Variants in PKIA observed in about 807,000 individuals in gnomAD.
The protein encoded by PKIA is PKI-alpha.
Under a neutral mutation model 7.6 loss-of-function variants are expected in PKIA, and 4 were observed. The observed-to-expected ratio is 0.52, with a 90% CI of 0.26 to 1.20. The LOEUF is 1.20. Ranked by LOEUF, PKIA falls within the 50% of genes most tolerant of loss-of-function variation. The pLI is 0.13. For synonymous variants in PKIA, 21 were observed against 30.7 expected, an observed-to-expected ratio of 0.68 and a Z score of 1.04; for missense variants, 73 against 86.2, an observed-to-expected ratio of 0.85 and a Z score of 0.61.
rs1309303758 is a variant in PKIA, at chr8:78,603,448, T to C, written c.*1627T>C. 1 of 151,958 alleles carries C rather than the reference T, an allele frequency of 6.6e-6. No homozygotes were observed. Among genetic ancestry groups the C allele is most frequent in the African/African-American group, 2.4e-5 (1 of 41,402 alleles). 9.4% of individuals were successfully genotyped at this position (151,958 alleles called of 1,614,324 possible). Reference sequence around the variant, plus strand: ...TTCTCCTTCTACAGGGCATTTCAACTGACTGGAATAAGGGCATGGTTGCAT... The same window carrying C: ...TTCTCCTTCTACAGGGCATTTCAACCGACTGGAATAAGGGCATGGTTGCAT... On this transcript the variant is annotated 3_prime_UTR_variant, in exon 4 of 4. Transcript: ENST00000396418.
intron 1 of PKIA, among the ~76,000 whole-genome samples, chr8:78,557,474 T>G (rs1227943166): frequency 1.3e-5 from 2 of 152,194 alleles, no homozygotes; most frequent in Non-Finnish European, 2.9e-5. Flanking sequence ...CTAGAAGTTG[T>G]ATGAGATTAT....
chr8:78,528,138 C>A (rs1331798760), intron 1 of PKIA, among the ~76,000 whole-genome samples: 1 of 152,012 alleles, frequency 6.6e-6, no homozygotes, highest in Non-Finnish European at 1.5e-5. Context: ...AGTTAAATAG[C>A]CCCAAGGTAG....
intron 1 of PKIA, among the ~76,000 whole-genome samples, chr8:78,571,933 A>C (rs994989822): frequency 2.0e-5 from 3 of 152,114 alleles, no homozygotes; most frequent in Non-Finnish European, 4.4e-5. Context: ...AAGTTAGAAA[A>C]AAGGTATATG....
At chr8:78,558,163 T>C (rs1483780560) in intron 1 of PKIA, among the ~76,000 whole-genome samples, 1 of 152,178 alleles carries the variant, frequency 6.6e-6, no homozygotes, top group Non-Finnish European at 1.5e-5. Context: ...GATCCAAACA[T>C]TGGTTTAATT....
chr8:78,541,807 CT>C (rs780479329), intron 1 of PKIA, among the ~76,000 whole-genome samples: 1,391 of 134,180 alleles, frequency 0.01, 5 homozygotes, highest in Admixed American at 0.022. Context: ...TTGGATTTCT[CT>C]TTTTTTTTTT....
At chr8:78,566,958 CAT>C (rs1489606202) in intron 1 of PKIA, among the ~76,000 whole-genome samples, 1 of 152,096 alleles carries the variant, frequency 6.6e-6, no homozygotes, top group Non-Finnish European at 1.5e-5. Flanking sequence ...AATTACCAAC[CAT>C]TTTAGAATTA....
intron 1 of PKIA, among the ~76,000 whole-genome samples, chr8:78,517,266 A>C (rs1046457498): frequency 1.3e-5 from 2 of 152,112 alleles, no homozygotes; most frequent in Non-Finnish European, 2.9e-5. Context: ...ATGGAATGAA[A>C]TATCCTGCTT....
At chr8:78,557,565 AAG>A (rs1450997713) in intron 1 of PKIA, among the ~76,000 whole-genome samples, 2 of 152,178 alleles carry the variant, frequency 1.3e-5, no homozygotes, top group African/African-American at 2.4e-5. Context: ...AAAAAGGAAA[AAG>A]AGAAAGGAAA....
intron 2 of PKIA, among the ~76,000 whole-genome samples, chr8:78,593,955 A>G (rs1808166579): frequency 6.6e-6 from 1 of 152,232 alleles, no homozygotes; most frequent in Admixed American, 6.5e-5. Flanking sequence ...ATAAAAGGTG[A>G]TTAATATATT....
At chr8:78,545,220 A>G (rs1806792135) in intron 1 of PKIA, among the ~76,000 whole-genome samples, 1 of 152,126 alleles carries the variant, frequency 6.6e-6, no homozygotes, top group African/African-American at 2.4e-5. Flanking sequence ...TTCCAACCCC[A>G]GTCTTTGGAG....
intron 1 of PKIA, among the ~76,000 whole-genome samples, chr8:78,567,336 T>C (rs1807438665): frequency 6.6e-6 from 1 of 152,178 alleles, no homozygotes; most frequent in South Asian, 2.1e-4. Context: ...TTACATTTAG[T>C]TGTCATGTTT....
chr8:78,548,138 T>C (rs890059984), intron 1 of PKIA, among the ~76,000 whole-genome samples: 1 of 152,106 alleles, frequency 6.6e-6, no homozygotes, highest in Non-Finnish European at 1.5e-5. Flanking sequence ...TACACAGATA[T>C]AAGGTTTGAT....
chr8:78,526,820 A>G (rs1021819343), intron 1 of PKIA, among the ~76,000 whole-genome samples: 10 of 152,032 alleles, frequency 6.6e-5, no homozygotes, highest in Admixed American at 6.6e-5. Flanking sequence ...TTACTAGGAG[A>G]AACACCAGCC....
chr8:78,521,283 T>A (rs1454798362), intron 1 of PKIA, among the ~76,000 whole-genome samples: 2 of 152,122 alleles, frequency 1.3e-5, no homozygotes, highest in African/African-American at 2.4e-5. Flanking sequence ...TAATGCCATC[T>A]TCAGTAATAT....
chr8:78,555,294 T>C (rs1457937271), intron 1 of PKIA, among the ~76,000 whole-genome samples: 2 of 152,120 alleles, frequency 1.3e-5, no homozygotes, highest in Non-Finnish European at 2.9e-5. Context: ...CCTGAAATTC[T>C]CTTCCCTCCT....
chr8:78,585,103 C>T (rs894254159), intron 2 of PKIA, among the ~76,000 whole-genome samples: 17 of 151,908 alleles, frequency 1.1e-4, no homozygotes, highest in Non-Finnish European at 1.6e-4. Context: ...ATCTTGTTAC[C>T]TTATAAAAAA....
At chr8:78,531,541 C>G (rs547911321) in intron 1 of PKIA, among the ~76,000 whole-genome samples, 1 of 152,050 alleles carries the variant, frequency 6.6e-6, no homozygotes, top group Non-Finnish European at 1.5e-5. Context: ...AAATGAATTT[C>G]TCCTAACAGC....
At chr8:78,525,217 G>T (rs567124855) in intron 1 of PKIA, among the ~76,000 whole-genome samples, 2 of 151,464 alleles carry the variant, frequency 1.3e-5, no homozygotes, top group South Asian at 4.2e-4. Context: ...TAGCAGATGG[G>T]GACTTTTAGA....
chr8:78,522,830 A>G (rs1048319670), intron 1 of PKIA, among the ~76,000 whole-genome samples: 1 of 151,982 alleles, frequency 6.6e-6, no homozygotes, highest in African/African-American at 2.4e-5. Context: ...CTGTTTGTTC[A>G]GATTTATGTA....
Sources: allele counts gnomAD v4.1 joint callset (sites outside exome capture counted in the v4.1 genomes callset), GRCh38; gene constraint gnomAD v4.1.1; transcripts MANE v1.5; gene names NCBI Gene and HGNC (gene_info 2026-07-23, HGNC 2026-07-21).